COG2: variants seen among roughly 807,000 people sequenced by gnomAD.
The protein encoded by COG2 is component of oligomeric golgi complex 2, also known as conserved oligomeric Golgi complex subunit 2.
A neutral mutation model predicts 90.6 loss-of-function variants in COG2; 52 were observed. That is an observed-to-expected ratio of 0.57 (90% CI 0.46 to 0.72). COG2 has a LOEUF of 0.72. Ranked by LOEUF, COG2 falls within the 30% of genes least tolerant of loss-of-function variation. The pLI, the probability that COG2 is intolerant of heterozygous loss-of-function variation, is 0.00. For missense variants in COG2, 829 were observed against 891.2 expected, an observed-to-expected ratio of 0.93 and a Z score of 0.89; for synonymous variants, 337 against 320.4, an observed-to-expected ratio of 1.05 and a Z score of -0.55.
intron 1 of COG2, among the ~76,000 whole-genome samples, chr1:230,650,132 G>T (rs986161288): frequency 6.6e-6 from 1 of 152,142 alleles, no homozygotes; most frequent in African/African-American, 2.4e-5. Context: ...TGATAGACAC[G>T]TTGATTCCAT....
intron 1 of COG2, among the ~76,000 whole-genome samples, chr1:230,653,593 C>T (rs1661971112): frequency 6.6e-6 from 1 of 152,112 alleles, no homozygotes; most frequent in African/African-American, 2.4e-5. Context: ...ATTCTACTAG[C>T]CAGAGTGTTT....
rs969414265 is a variant in COG2, at chr1:230,691,007, C to T, written c.1935-377C>T. ...ATTGGAAATGAACTTGTTACTTGAT[C>T]TGGGGCATGAACTACAGATGTCCAC... On this transcript the variant is annotated intron_variant, in intron 16 of 17. Transcript: ENST00000366669. Among the ~76,000 whole-genome samples, 5 of 152,084 alleles carry T rather than the reference C, an allele frequency of 3.3e-5. 1 individual carries two copies. The highest frequency in any genetic ancestry group is 7.4e-5 in the Non-Finnish European group (5 of 68,016).
chr1:230,691,800 A>G (rs1033092589), intron 17 of COG2: 14 of 457,602 alleles, frequency 3.1e-5, no homozygotes, highest in African/African-American at 2.3e-4. Context: ...TGCTGTTGCC[A>G]TCTGCTTGTT....
intron 10 of COG2, chr1:230,680,523 C>T (rs3789647): frequency 0.29 from 43,616 of 152,132 alleles, 6,390 homozygotes; most frequent in Middle Eastern, 0.32. Flanking sequence ...GCTGCATCTC[C>T]CTTCCATTTC....
At chr1:230,647,028 G>A (rs572816759) in intron 1 of COG2, among the ~76,000 whole-genome samples, 1 of 151,728 alleles carries the variant, frequency 6.6e-6, no homozygotes, top group South Asian at 2.1e-4. Flanking sequence ...TCTAGTCCGT[G>A]TTCTACATCA....
intron 3 of COG2, among the ~76,000 whole-genome samples, chr1:230,662,136 G>T (rs1486706382): frequency 2.6e-5 from 4 of 152,066 alleles, no homozygotes; most frequent in Non-Finnish European, 1.5e-5. Context: ...CTCACCTGCA[G>T]GCTCTAGTCT....
intron 3 of COG2, among the ~76,000 whole-genome samples, chr1:230,661,847 C>T (rs1463811775): frequency 6.6e-6 from 1 of 152,178 alleles, no homozygotes; most frequent in East Asian, 1.9e-4. Flanking sequence ...TTTTAAAGTA[C>T]TTCTTCTTGG....
At chr1:230,659,827 T>C in intron 2 of COG2, among the ~76,000 whole-genome samples, 1 of 152,204 alleles carries the variant, frequency 6.6e-6, no homozygotes, top group East Asian at 1.9e-4. Context: ...TATTCTAAAT[T>C]AAATATTTTT....
chr1:230,676,524 G>A (rs181414014), intron 9 of COG2, among the ~76,000 whole-genome samples: 6 of 151,932 alleles, frequency 3.9e-5, no homozygotes, highest in East Asian at 3.9e-4. Context: ...TTCCTCGCTC[G>A]TACTTCTATT....
rs372617706 is a variant in COG2, at chr1:230,642,633, C to T, written c.27C>T (p.Pro9=). The T allele has an allele frequency of 1.2e-6, 2 of 1,613,140 alleles. No homozygotes were observed. The highest frequency in any genetic ancestry group is 1.3e-5 in the African/African-American group (1 of 74,906). The change falls in exon 1 of 18, where the codon CCC becomes CCT. Residue 9 remains proline (P), a synonymous_variant. Transcript: ENST00000366669. MEKSRMNL[P]KGPDTLCFDK... is the part of the protein sequence containing the mutation. The stretch of plus-strand genomic sequence containing the variant: ...TGGAGAAAAGTAGGATGAACCTGCC[C>T]AAGGGGCCGGACACGCTCTGCTTCG...
At chr1:230,644,437 T>G (rs1467585718) in intron 1 of COG2, among the ~76,000 whole-genome samples, 1 of 152,242 alleles carries the variant, frequency 6.6e-6, no homozygotes, top group Non-Finnish European at 1.5e-5. Flanking sequence ...CAGGCTATAT[T>G]TCTATGTTTG....
chr1:230,664,567 C>T lies in COG2; in HGVS notation c.465C>T (p.Thr155=), dbSNP rs775796768. 6.5e-7 allele frequency: 1 copy of T among 1,547,940 alleles called. No homozygotes were observed. The highest frequency in any genetic ancestry group is 2.3e-5 in the East Asian group (1 of 43,470). Residue 155 remains threonine, a synonymous_variant, in exon 5 of 18, where the codon ACC becomes ACT. Transcript: ENST00000366669. ...KILNSQSSKE[T]SALEASSPLL... ...TAAACTCTCAAAGTTCTAAAGAAAC[C>T]TCTGCACTAGAAGCAAGCAGGTAAG...
At position 230,678,461 on chromosome 1, in the gene COG2, C is replaced by T; in HGVS notation, c.1027-452C>T. ...GTACATCTCCCTGTCAGTTTTCATG[C>T]TATCTTATTTATAAAAATGAAGTGA... On this transcript the variant is annotated intron_variant, in intron 9 of 17. Transcript: ENST00000366669. The T allele has an allele frequency of 7.1e-6, 7 of 985,050 alleles. No individual in the cohort carries two copies. In the South Asian group the frequency reaches 2.8e-4, roughly 40 times the overall value. The allele number at this position is 985,050 out of a possible 1,614,324, so 61.0% of individuals were successfully genotyped here.
At position 230,671,164 on chromosome 1, in the gene COG2, A is replaced by G. The variant is rs139285239; in HGVS notation, c.775-352A>G. 1.3e-3 allele frequency: 208 copies of G among 155,374 alleles called. 10 individuals carry two copies. In the East Asian group the frequency reaches 0.033, roughly 24 times the overall value. The allele number at this position is 155,374 out of a possible 1,614,324, so 9.6% of individuals were successfully genotyped here. On this transcript the variant is annotated intron_variant, in intron 7 of 17. Transcript: ENST00000366669. ...CCTTCCCTAATCTGAATGATGGTAG[A>G]AAAAAAGGCCAGGATGAAGACAGTG... is the stretch of plus-strand genomic sequence containing the variant.
chr1:230,650,391 C>T (rs924881868), intron 1 of COG2, among the ~76,000 whole-genome samples: 9 of 152,090 alleles, frequency 5.9e-5, no homozygotes, highest in African/African-American at 1.9e-4. Flanking sequence ...TTAATAAAAG[C>T]TGTTCTGATT....
chr1:230,654,252 T>TA (rs756160781), intron 1 of COG2, among the ~76,000 whole-genome samples: 55 of 152,324 alleles, frequency 3.6e-4, no homozygotes, highest in Non-Finnish European at 5.4e-4. Flanking sequence ...TTTTAGGTCT[T>TA]ACGTTTAAGT....
intron 1 of COG2, among the ~76,000 whole-genome samples, chr1:230,649,370 C>T (rs1282812670): frequency 1.3e-5 from 2 of 152,114 alleles, no homozygotes. Flanking sequence ...GCTCCAGGGA[C>T]GTTTTTGCCC....
At chr1:230,665,093 T>C (rs944603557) in intron 5 of COG2, among the ~76,000 whole-genome samples, 4 of 152,238 alleles carry the variant, frequency 2.6e-5, no homozygotes, top group African/African-American at 4.8e-5. Flanking sequence ...TAGTGTCTTA[T>C]TACCTTCCCA....
chr1:230,666,979 T>C (rs1662336215), intron 5 of COG2, among the ~76,000 whole-genome samples: 1 of 152,238 alleles, frequency 6.6e-6, no homozygotes. Flanking sequence ...TTCCCTTCCA[T>C]AAAGCTCAAT....
Sources: gnomAD v4.1 joint callset for allele counts (sites outside exome capture counted in the v4.1 genomes callset) on GRCh38, gnomAD v4.1.1 for gene constraint, MANE v1.5 for transcripts, NCBI Gene and HGNC (gene_info 2026-07-23, HGNC 2026-07-21) for gene names.